Variants in CCSER1 observed in about 807,000 individuals in gnomAD.
CCSER1 encodes the protein coiled-coil serine rich protein 1.
Under a neutral mutation model 82.0 loss-of-function variants are expected in CCSER1, and 41 were observed. The observed-to-expected ratio is 0.50, with a 90% CI of 0.39 to 0.65. CCSER1 has a LOEUF of 0.65. Ranked by LOEUF, CCSER1 falls within the 30% of genes least tolerant of loss-of-function variation. The pLI, the probability that CCSER1 is intolerant of heterozygous loss-of-function variation, is 0.00. For synonymous variants in CCSER1, 414 were observed against 383.9 expected (o/e 1.08, Z -0.92); for missense variants, 1,119 against 1,064.2 (o/e 1.05, Z -0.72).
chr4:91,300,408 G>A (rs948104966), intron 10 of CCSER1, among the ~76,000 whole-genome samples: 4 of 151,734 alleles, frequency 2.6e-5, no homozygotes, highest in Admixed American at 2.6e-4. Flanking sequence ...TGTGTTCATG[G>A]CAGTGAAAAT....
intron 10 of CCSER1, among the ~76,000 whole-genome samples, chr4:91,092,181 G>A (rs1445366048): frequency 6.6e-6 from 1 of 152,122 alleles, no homozygotes; most frequent in Non-Finnish European, 1.5e-5. Flanking sequence ...GGAACTGTGA[G>A]GTTGGTAGGC....
chr4:90,475,727 C>A (rs932739387), intron 5 of CCSER1, among the ~76,000 whole-genome samples: 4 of 152,072 alleles, frequency 2.6e-5, no homozygotes, highest in Non-Finnish European at 4.4e-5. Flanking sequence ...GATGAGGATA[C>A]CCCCATAAAG....
At chr4:90,832,750 T>A (rs989922988) in intron 8 of CCSER1, among the ~76,000 whole-genome samples, 1 of 152,194 alleles carries the variant, frequency 6.6e-6, no homozygotes, top group African/African-American at 2.4e-5. Context: ...CTTTATAGAT[T>A]TGTCCTTCTA....
chr4:91,361,261 T>C (rs1353847459), intron 10 of CCSER1, among the ~76,000 whole-genome samples: 1 of 151,896 alleles, frequency 6.6e-6, no homozygotes, highest in Admixed American at 6.6e-5. Flanking sequence ...TTTTGGTTCC[T>C]TTTATGGTCC....
At chr4:91,373,165 A>G (rs1032534165) in intron 10 of CCSER1, among the ~76,000 whole-genome samples, 2 of 152,052 alleles carry the variant, frequency 1.3e-5, no homozygotes, top group African/African-American at 2.4e-5. Context: ...GCAAATAGGA[A>G]ACTATATATT....
chr4:91,405,344 A>T (rs1400709720), intron 10 of CCSER1, among the ~76,000 whole-genome samples: 1 of 152,152 alleles, frequency 6.6e-6, no homozygotes, highest in East Asian at 1.9e-4. Flanking sequence ...TAGACCTAAA[A>T]CCATAAAAAC....
At position 91,318,061 on chromosome 4, in the gene CCSER1, A is replaced by G. The variant is rs148313582; in HGVS notation, c.2217+232067A>G. On this transcript the variant is annotated intron_variant, in intron 10 of 10. Transcript: ENST00000509176. The stretch of plus-strand genomic sequence containing the variant: ...AGAAAGTGAAACATACATTTGTCCT[A>G]TTGGTGCCTTTAAAATACACTCTTG... 4.0e-3 allele frequency among the ~76,000 whole-genome samples: 603 copies of G among 151,872 alleles called. 3 individuals are homozygous for G. The highest frequency in any genetic ancestry group is 0.014 in the African/African-American group (577 of 41,448).
At chr4:90,840,030 CAATAT>C (rs2149867539) in intron 8 of CCSER1, among the ~76,000 whole-genome samples, 1 of 151,786 alleles carries the variant, frequency 6.6e-6, no homozygotes, top group South Asian at 2.1e-4. Flanking sequence ...AAATATAATA[CAATAT>C]ATGTTATATA....
At chr4:90,161,365 G>A (rs1229187502) in intron 1 of CCSER1, among the ~76,000 whole-genome samples, 1 of 152,076 alleles carries the variant, frequency 6.6e-6, no homozygotes, top group Non-Finnish European at 1.5e-5. Flanking sequence ...ATTCTCACCT[G>A]CCATATGATT....
At chr4:90,739,800 G>A (rs1285335253) in intron 7 of CCSER1, among the ~76,000 whole-genome samples, 2 of 152,210 alleles carry the variant, frequency 1.3e-5, no homozygotes, top group Non-Finnish European at 2.9e-5. Flanking sequence ...GAAGCACACA[G>A]ATTCTCTCTC....
chr4:90,765,915 T>G (rs1751148521), intron 7 of CCSER1, among the ~76,000 whole-genome samples: 1 of 152,128 alleles, frequency 6.6e-6, no homozygotes, highest in African/African-American at 2.4e-5. Context: ...GATGGATATA[T>G]GGAGGTAAGC....
chr4:91,373,855 C>G (rs1166391929), intron 10 of CCSER1, among the ~76,000 whole-genome samples: 1 of 152,144 alleles, frequency 6.6e-6, no homozygotes, highest in Admixed American at 6.6e-5. Flanking sequence ...ATTAAAAATG[C>G]TACTCCAGAG....
intron 5 of CCSER1, among the ~76,000 whole-genome samples, chr4:90,482,109 T>C (rs192050601): frequency 6.6e-6 from 1 of 152,336 alleles, no homozygotes; most frequent in East Asian, 1.9e-4. Flanking sequence ...GGAGAGTGTG[T>C]GTGTTGAGCA....
chr4:91,132,543 A>T (rs577706139), intron 10 of CCSER1, among the ~76,000 whole-genome samples: 62 of 152,328 alleles, frequency 4.1e-4, no homozygotes, highest in African/African-American at 1.5e-3. Flanking sequence ...ACAATTACCA[A>T]GCATGTTTTA....
chr4:90,157,614 T>A (rs1440178030), intron 1 of CCSER1, among the ~76,000 whole-genome samples: 1 of 152,174 alleles, frequency 6.6e-6, no homozygotes, highest in Non-Finnish European at 1.5e-5. Flanking sequence ...CTCGCTTCAT[T>A]TCATTCATTT....
At chr4:91,562,449 G>A (rs921313123) in intron 10 of CCSER1, among the ~76,000 whole-genome samples, 10 of 151,408 alleles carry the variant, frequency 6.6e-5, no homozygotes, top group African/African-American at 2.4e-4. Context: ...TGCCTTGGAT[G>A]GAATAAGGGT....
At chr4:91,512,333 T>C (rs547713903) in intron 10 of CCSER1, among the ~76,000 whole-genome samples, 1 of 152,334 alleles carries the variant, frequency 6.6e-6, no homozygotes, top group African/African-American at 2.4e-5. Context: ...TCTTCCAGCC[T>C]TCTTCTTTCT....
intron 3 of CCSER1, among the ~76,000 whole-genome samples, chr4:90,355,188 A>G (rs1378260077): frequency 6.6e-6 from 1 of 152,042 alleles, no homozygotes; most frequent in East Asian, 1.9e-4. Context: ...AAAACAATAC[A>G]CATGCTATAA....
At chr4:91,031,466 T>C (rs1740976892) in intron 9 of CCSER1, among the ~76,000 whole-genome samples, 1 of 152,142 alleles carries the variant, frequency 6.6e-6, no homozygotes, top group Non-Finnish European at 1.5e-5. Context: ...GTGACTGATA[T>C]ATAACAAGGA....
Sources: gnomAD v4.1 joint callset for allele counts (sites outside exome capture counted in the v4.1 genomes callset) on GRCh38, gnomAD v4.1.1 for gene constraint, MANE v1.5 for transcripts, NCBI Gene and HGNC (gene_info 2026-07-23, HGNC 2026-07-21) for gene names.